The following PLD5 variants were observed in gnomAD, a reference collection of about 807,000 sequenced individuals.
The protein encoded by PLD5 is phospholipase D family member 5, also known as inactive phospholipase D5.
PLD5 carries 36 observed loss-of-function variants against 61.1 expected under a neutral mutation model. The observed-to-expected ratio is 0.59, with a 90% CI of 0.45 to 0.78. The LOEUF is 0.78. PLD5 is among the 30% of genes least tolerant of loss of function. The pLI is 0.00. For synonymous variants in PLD5, 243 were observed against 242.8 expected, an observed-to-expected ratio of 1.00 and a Z score of -0.01; for missense variants, 515 against 644.4, an observed-to-expected ratio of 0.80 and a Z score of 2.17.
In PLD5 at chr1:242,323,875, A is replaced by C. The variant is rs530919219; in HGVS notation, c.326+24231T>G. Among the ~76,000 whole-genome samples the C allele has an allele frequency of 2.6e-4, 40 of 152,312 alleles. 1 individual carries two copies. In the South Asian group the frequency reaches 8.1e-3, roughly 31 times the overall value. The stretch of plus-strand genomic sequence containing the variant: ...CAGAAGATGATTATGGCAGGCAAGG[A>C]AGAAGCAGAAAAGTCATACATGACT... On this transcript the variant is annotated intron_variant, in intron 2 of 9. Transcript: ENST00000536534.
intron 9 of PLD5, among the ~76,000 whole-genome samples, 170 bp from the exon 10 acceptor site, chr1:242,090,280 T>C (rs867900244): frequency 6.6e-6 from 1 of 152,228 alleles, no homozygotes; most frequent in South Asian, 2.1e-4. Flanking sequence ...AAGCCTTACA[T>C]ATGGCATATT....
At chr1:242,134,904 C>T (rs926818646) in intron 5 of PLD5, among the ~76,000 whole-genome samples, 1 of 152,206 alleles carries the variant, frequency 6.6e-6, no homozygotes, top group Non-Finnish European at 1.5e-5. Flanking sequence ...TGTTTCTCCT[C>T]TGGTCTGGAC....
intron 1 of PLD5, among the ~76,000 whole-genome samples, chr1:242,518,200 A>C (rs1008158009): frequency 6.6e-6 from 1 of 152,164 alleles, no homozygotes; most frequent in Non-Finnish European, 1.5e-5. Context: ...CTCTTTCATA[A>C]GGGCTAGATT....
chr1:242,268,423 T>A (rs992332261), intron 3 of PLD5, among the ~76,000 whole-genome samples: 14 of 152,344 alleles, frequency 9.2e-5, no homozygotes, highest in African/African-American at 3.1e-4. Context: ...ATCTAACTTA[T>A]CTGTATTTCT....
intron 2 of PLD5, among the ~76,000 whole-genome samples, chr1:242,308,561 G>A (rs529344674): frequency 4.6e-5 from 7 of 151,902 alleles, no homozygotes; most frequent in Non-Finnish European, 1.0e-4. Flanking sequence ...AAGTGAGTGT[G>A]CATATGCATA....
At chr1:242,239,786 G>GT (rs1232292930) in intron 4 of PLD5, among the ~76,000 whole-genome samples, 2 of 152,134 alleles carry the variant, frequency 1.3e-5, no homozygotes, top group Non-Finnish European at 2.9e-5. Flanking sequence ...TAATAGAACA[G>GT]TTTTTTTAAA....
Position 242,288,401 on chromosome 1 carries a change from G to T in PLD5, c.456C>A (p.Ser152=). Residue 152 remains serine, a synonymous_variant, in exon 3 of 10, where the codon TCC becomes TCA. Coordinates refer to ENST00000536534, the MANE Select transcript of PLD5 (RefSeq NM_001372062.1). ...MAKKSVDIVS[S]HWDLNHTHPS... ...GATGAGTGTGGTTGAGATCCCAATG[G>T]GAAGACACTATGTCAACAGACTTTT... is the stretch of plus-strand genomic sequence containing the variant. 5 of 1,612,924 alleles carry T rather than the reference G, an allele frequency of 3.1e-6. No homozygotes were observed. The highest frequency in any genetic ancestry group is 3.4e-6 in the Non-Finnish European group (4 of 1,179,642).
At chr1:242,347,289 TC>T in intron 2 of PLD5, among the ~76,000 whole-genome samples, 1 of 152,242 alleles carries the variant, frequency 6.6e-6, no homozygotes, top group East Asian at 1.9e-4. Context: ...GCTAATGCTT[TC>T]CACTGGGAAA....
intron 7 of PLD5, among the ~76,000 whole-genome samples, chr1:242,108,397 C>A (rs1455275352): frequency 6.6e-6 from 1 of 152,190 alleles, no homozygotes; most frequent in Admixed American, 6.5e-5. Flanking sequence ...AATCTTCCAA[C>A]AGGCAAAGTT....
chr1:242,364,449 G>T (rs1661231036), intron 1 of PLD5, among the ~76,000 whole-genome samples: 1 of 152,186 alleles, frequency 6.6e-6, no homozygotes, highest in Admixed American at 6.5e-5. Flanking sequence ...AGGAGCAGTG[G>T]CTCACATCTG....
At chr1:242,399,963 G>A (rs937435063) in intron 1 of PLD5, among the ~76,000 whole-genome samples, 1 of 152,192 alleles carries the variant, frequency 6.6e-6, no homozygotes, top group Non-Finnish European at 1.5e-5. Context: ...GAGGTCAGGA[G>A]TTCAAGACCA....
chr1:242,477,256 A>G (rs1411296235), intron 1 of PLD5, among the ~76,000 whole-genome samples: 1 of 151,872 alleles, frequency 6.6e-6, no homozygotes, highest in Non-Finnish European at 1.5e-5. Context: ...AACTCAAAAA[A>G]GAAAAAAAAA....
chr1:242,394,815 T>C lies in PLD5; in HGVS notation c.190-46573A>G, dbSNP rs1009424382. Among the ~76,000 whole-genome samples, 18 of 44,856 alleles carry C rather than the reference T, an allele frequency of 4.0e-4. 4 individuals are homozygous for C. Among genetic ancestry groups the C allele is most frequent in the East Asian group, 1.9e-3 (5 of 2,660 alleles). 29.4% of individuals were successfully genotyped at this position (44,856 alleles called of 152,430 possible). A position where few individuals can be genotyped will look rare whatever the true frequency, so the allele number is the denominator to read the frequency against. On this transcript the variant is annotated intron_variant, in intron 1 of 9. Transcript: ENST00000536534. ...GAATATATATGTGTATATATGTGAA[T>C]ATATATACATATATGTGAATATATA...
chr1:242,446,820 CTTG>C (rs1419508549), intron 1 of PLD5, among the ~76,000 whole-genome samples: 1 of 152,154 alleles, frequency 6.6e-6, no homozygotes, highest in Non-Finnish European at 1.5e-5. Flanking sequence ...GTTTCTGTAA[CTTG>C]TTGTCAGGCA....
At chr1:242,511,579 T>A (rs1280514093) in intron 1 of PLD5, among the ~76,000 whole-genome samples, 1 of 107,244 alleles carries the variant, frequency 9.3e-6, no homozygotes, top group Non-Finnish European at 1.9e-5. Context: ...ATAATCCCAG[T>A]CTAATGATGA....
chr1:242,466,268 C>G (rs967379823), intron 1 of PLD5, among the ~76,000 whole-genome samples: 4 of 152,068 alleles, frequency 2.6e-5, no homozygotes, highest in Admixed American at 2.6e-4. Context: ...CCTGATGTAT[C>G]CTAGGTGTGT....
At chr1:242,333,379 G>A (rs1199148257) in intron 2 of PLD5, among the ~76,000 whole-genome samples, 1 of 151,862 alleles carries the variant, frequency 6.6e-6, no homozygotes, top group African/African-American at 2.4e-5. Flanking sequence ...CTTTTTTTGA[G>A]GAGTGAAATC....
chr1:242,203,512 T>G (rs1194485099), intron 5 of PLD5: 1 of 152,354 alleles, frequency 6.6e-6, no homozygotes, highest in Admixed American at 6.5e-5. Context: ...GTTAGGGTCC[T>G]GGAGGTGGAT....
In PLD5 at chr1:242,481,557, C is replaced by G. The variant is rs953087829; in HGVS notation, c.189+42531G>C. Among the ~76,000 whole-genome samples the G allele has an allele frequency of 7.9e-5, 12 of 152,358 alleles. 1 individual carries two copies. Among genetic ancestry groups the G allele is most frequent in the African/African-American group, 2.9e-4 (12 of 41,592 alleles). Reference sequence around the variant, plus strand: ...AGGCTTGAGTAGGTAAACAAAGCAGCTGGGAAGCTCGAACTGGGTGGAGCC... The same window carrying G: ...AGGCTTGAGTAGGTAAACAAAGCAGGTGGGAAGCTCGAACTGGGTGGAGCC... On this transcript the variant is annotated intron_variant, in intron 1 of 9. Transcript: ENST00000536534.
Sources: gnomAD v4.1 joint callset for allele counts (sites outside exome capture counted in the v4.1 genomes callset) on GRCh38, gnomAD v4.1.1 for gene constraint, MANE v1.5 for transcripts, NCBI Gene and HGNC (gene_info 2026-07-23, HGNC 2026-07-21) for gene names.